ASTN2: variants seen among roughly 807,000 people sequenced by gnomAD.
The protein encoded by ASTN2 is astrotactin-2.
In ASTN2, 54 loss-of-function variants were observed where a neutral mutation model predicts 139.8. That is an observed-to-expected ratio of 0.39 (90% CI 0.31 to 0.48). The LOEUF (loss-of-function observed/expected upper bound fraction) is 0.48, where lower values mean the gene tolerates loss of function less well. Among genes scored for constraint, ASTN2 ranks in the 20% least tolerant of loss-of-function variants. ASTN2 has a pLI of 0.95. For synonymous variants in ASTN2, 756 were observed against 719.5 expected (o/e 1.05, Z -0.81); for missense variants, 1,565 against 1,725.1 (o/e 0.91, Z 1.64).
At chr9:116,764,644 T>C (rs1175693160) in intron 13 of ASTN2, among the ~76,000 whole-genome samples, 1 of 152,210 alleles carries the variant, frequency 6.6e-6, no homozygotes, top group Non-Finnish European at 1.5e-5. Context: ...TTACTATTAA[T>C]AGATAAAGTC....
At chr9:116,437,890 C>A (rs530205056) in intron 22 of ASTN2, among the ~76,000 whole-genome samples, 1 of 152,276 alleles carries the variant, frequency 6.6e-6, no homozygotes, top group African/African-American at 2.4e-5. Context: ...ATCCCTGGAC[C>A]AAGCTCTCAT....
chr9:116,964,213 T>TGG (rs758835935), intron 10 of ASTN2, among the ~76,000 whole-genome samples: 5,744 of 120,746 alleles, frequency 0.048, 185 homozygotes, highest in Non-Finnish European at 0.061. Flanking sequence ...TAGACTGCCC[T>TGG]GGGGTGTGTG....
At chr9:117,130,771 G>A (rs2132837086) in intron 4 of ASTN2, among the ~76,000 whole-genome samples, 1 of 152,206 alleles carries the variant, frequency 6.6e-6, no homozygotes, top group South Asian at 2.1e-4. Context: ...ATACATACAT[G>A]TGCAATTGCA....
intron 1 of ASTN2, among the ~76,000 whole-genome samples, chr9:117,296,456 G>A (rs575677587): frequency 5.3e-5 from 8 of 152,114 alleles, no homozygotes; most frequent in Non-Finnish European, 8.8e-5. Flanking sequence ...TAATAGAACA[G>A]TAACATGACC....
At chr9:117,161,837 A>G (rs1268123993) in intron 3 of ASTN2, among the ~76,000 whole-genome samples, 4 of 150,024 alleles carry the variant, frequency 2.7e-5, no homozygotes, top group African/African-American at 9.8e-5. Flanking sequence ...ACAACTGTCC[A>G]AACAATTTTC....
chr9:117,169,185 A>G (rs1329966675), intron 3 of ASTN2, among the ~76,000 whole-genome samples: 1 of 139,818 alleles, frequency 7.2e-6, no homozygotes, highest in Non-Finnish European at 1.5e-5. Flanking sequence ...TGCCTGAGGG[A>G]AAATAAAAAG....
chr9:117,124,158 T>C (rs1178567062), intron 4 of ASTN2, among the ~76,000 whole-genome samples: 2 of 152,164 alleles, frequency 1.3e-5, no homozygotes, highest in Non-Finnish European at 2.9e-5. Flanking sequence ...AGCTTAGCTA[T>C]AGCATAGTGG....
intron 2 of ASTN2, among the ~76,000 whole-genome samples, chr9:117,234,327 G>T (rs1832981615): frequency 1.3e-5 from 2 of 152,064 alleles, no homozygotes; most frequent in Admixed American, 1.3e-4. Context: ...GGCATATTCG[G>T]ACCACCTTAC....
chr9:116,799,321 C>G (rs1830780469), intron 13 of ASTN2, among the ~76,000 whole-genome samples: 1 of 152,096 alleles, frequency 6.6e-6, no homozygotes, highest in Admixed American at 6.6e-5. Context: ...GTTGTGGGTG[C>G]TGAATCCCCA....
chr9:116,706,177 T>C (rs548641829), intron 16 of ASTN2, among the ~76,000 whole-genome samples: 1 of 152,160 alleles, frequency 6.6e-6, no homozygotes, highest in Non-Finnish European at 1.5e-5. Context: ...AATCACTGAT[T>C]GACATTGTCT....
chr9:116,559,937 A>T (rs1433784847), intron 19 of ASTN2, among the ~76,000 whole-genome samples: 1 of 152,182 alleles, frequency 6.6e-6, no homozygotes, highest in East Asian at 1.9e-4. Context: ...AAAGGCACTT[A>T]CTATTATTGC....
intron 13 of ASTN2, among the ~76,000 whole-genome samples, chr9:116,757,308 C>T (rs1026829985): frequency 6.6e-6 from 1 of 152,160 alleles, no homozygotes; most frequent in Non-Finnish European, 1.5e-5. Context: ...CTAAAATTTG[C>T]GACTGCATCT....
intron 6 of ASTN2, among the ~76,000 whole-genome samples, chr9:117,024,795 C>T (rs1838008400): frequency 6.6e-6 from 1 of 152,052 alleles, no homozygotes. Flanking sequence ...ACACCCAAAT[C>T]TCATCTTGAA....
intron 7 of ASTN2, among the ~76,000 whole-genome samples, chr9:117,005,546 C>T (rs1837330878): frequency 6.6e-6 from 1 of 152,130 alleles, no homozygotes; most frequent in Middle Eastern, 3.2e-3. Context: ...GCAAAGGTGG[C>T]TGCCTGGACA....
At chr9:117,297,619 G>A (rs758239641) in intron 1 of ASTN2, among the ~76,000 whole-genome samples, 1 of 152,176 alleles carries the variant, frequency 6.6e-6, no homozygotes, top group African/African-American at 2.4e-5. Context: ...GATGAGCAAC[G>A]AAGTACTCCC....
chr9:116,519,556 C>A (rs1246858898), intron 19 of ASTN2, among the ~76,000 whole-genome samples: 1 of 151,966 alleles, frequency 6.6e-6, no homozygotes, highest in Non-Finnish European at 1.5e-5. Context: ...CATCAAAAGT[C>A]TGAAAGAGCA....
chr9:117,391,271 T>C (rs1830533907), intron 1 of ASTN2, among the ~76,000 whole-genome samples: 1 of 152,132 alleles, frequency 6.6e-6, no homozygotes, highest in Admixed American at 6.6e-5. Flanking sequence ...AATTTAAGTA[T>C]GAGTCCATTT....
At chr9:116,991,352 A>T (rs1836848168) in intron 7 of ASTN2, among the ~76,000 whole-genome samples, 1 of 152,198 alleles carries the variant, frequency 6.6e-6, no homozygotes, top group Non-Finnish European at 1.5e-5. Context: ...GCTGCATTTC[A>T]AATGGTTTCC....
At chr9:117,241,282 C>A (rs986113981) in intron 2 of ASTN2, among the ~76,000 whole-genome samples, 4 of 152,168 alleles carry the variant, frequency 2.6e-5, no homozygotes, top group Non-Finnish European at 5.9e-5. Context: ...GACAACTGCA[C>A]TCCTGAAAAC....
Sources: gnomAD v4.1 joint callset for allele counts (sites outside exome capture counted in the v4.1 genomes callset) on GRCh38, gnomAD v4.1.1 for gene constraint, MANE v1.5 for transcripts, NCBI Gene and HGNC (gene_info 2026-07-23, HGNC 2026-07-21) for gene names.